Variants in USH2A observed in about 807,000 individuals in gnomAD.
USH2A encodes the protein Usher syndrome 2A (autosomal recessive, mild).
A neutral mutation model predicts 538.9 loss-of-function variants in USH2A; 443 were observed. That is an observed-to-expected ratio of 0.82 (90% CI 0.76 to 0.89). USH2A has a LOEUF of 0.89. Ranked by LOEUF, USH2A falls within the 40% of genes least tolerant of loss-of-function variation. The pLI, the probability that USH2A is intolerant of heterozygous loss-of-function variation, is 0.00. For synonymous variants in USH2A, 2,413 were observed against 2,273.5 expected, an observed-to-expected ratio of 1.06 and a Z score of -1.75; for missense variants, 6,633 against 6,324.8, an observed-to-expected ratio of 1.05 and a Z score of -1.65.
chr1:215,836,938 C>T (rs1195111885), intron 47 of USH2A, among the ~76,000 whole-genome samples: 2 of 151,772 alleles, frequency 1.3e-5, no homozygotes, highest in South Asian at 2.1e-4. Flanking sequence ...ACTATTTCCT[C>T]CCTGCATAGT....
At chr1:216,111,517 C>T (rs1369411375) in intron 21 of USH2A, among the ~76,000 whole-genome samples, 7 of 151,864 alleles carry the variant, frequency 4.6e-5, no homozygotes, top group Non-Finnish European at 7.4e-5. Flanking sequence ...TGTTCTTTGA[C>T]TCATATTCAA....
intron 70 of USH2A, among the ~76,000 whole-genome samples, chr1:215,630,480 GTGTA>G (rs1175988133): frequency 0.048 from 5,014 of 104,744 alleles, 73 homozygotes; most frequent in Middle Eastern, 0.072. Flanking sequence ...GTATGTGTGT[GTGTA>G]TATATATATA....
intron 44 of USH2A, among the ~76,000 whole-genome samples, chr1:215,861,415 A>G (rs1271838107): frequency 2.0e-5 from 3 of 152,238 alleles, no homozygotes; most frequent in Non-Finnish European, 4.4e-5. Flanking sequence ...AAAATATAAT[A>G]GTTTAAATAA....
At chr1:215,918,725 C>T (rs936400327) in intron 38 of USH2A, among the ~76,000 whole-genome samples, 4 of 151,914 alleles carry the variant, frequency 2.6e-5, no homozygotes, top group African/African-American at 9.7e-5. Flanking sequence ...CTGATTTCAC[C>T]TTATAAGTAG....
intron 52 of USH2A, among the ~76,000 whole-genome samples, chr1:215,785,623 G>A (rs952294576): frequency 7.2e-5 from 11 of 152,094 alleles, no homozygotes; most frequent in Non-Finnish European, 5.9e-5. Context: ...AAACCTGCAC[G>A]TTGTGCACAT....
intron 61 of USH2A, among the ~76,000 whole-genome samples, chr1:215,685,018 A>G (rs1658368428): frequency 6.6e-6 from 1 of 152,100 alleles, no homozygotes; most frequent in Non-Finnish European, 1.5e-5. Context: ...ATGATAAGGA[A>G]TGATTATACC....
chr1:215,913,571 G>C (rs1237209660), intron 38 of USH2A, among the ~76,000 whole-genome samples: 1 of 152,004 alleles, frequency 6.6e-6, no homozygotes, highest in Non-Finnish European at 1.5e-5. Flanking sequence ...GAAGGAGATG[G>C]GGAATCACTA....
At chr1:215,790,024 A>C in intron 51 of USH2A, 35 bp downstream of exon 51, 1 of 1,595,662 alleles carries the variant, frequency 6.3e-7, no homozygotes, top group Non-Finnish European at 8.6e-7. Context: ...TTCCATTGTC[A>C]AATCAGCGCC....
intron 21 of USH2A, among the ~76,000 whole-genome samples, chr1:216,162,719 G>T (rs2034083289): frequency 6.6e-6 from 1 of 152,012 alleles, no homozygotes; most frequent in Non-Finnish European, 1.5e-5. Context: ...GACTTTTGGA[G>T]AGTCGAGTGA....
intron 14 of USH2A, among the ~76,000 whole-genome samples, chr1:216,222,441 C>G (rs2035475394): frequency 1.3e-5 from 2 of 152,172 alleles, no homozygotes; most frequent in Admixed American, 1.3e-4. Context: ...CAACAATATC[C>G]AAGTTCTAAT....
At chr1:215,712,740 G>C (rs1659372607) in intron 61 of USH2A, among the ~76,000 whole-genome samples, 1 of 152,136 alleles carries the variant, frequency 6.6e-6, no homozygotes, top group South Asian at 2.1e-4. Flanking sequence ...AGGGGTATTA[G>C]GGAATGCAGG....
At chr1:215,815,328 C>T (rs144260246) in intron 48 of USH2A, among the ~76,000 whole-genome samples, 3 of 152,052 alleles carry the variant, frequency 2.0e-5, no homozygotes, top group African/African-American at 4.8e-5. Context: ...GATTTGCACA[C>T]GCCTGTTTTC....
chr1:216,186,036 G>A (rs1018712328), intron 20 of USH2A, among the ~76,000 whole-genome samples: 11 of 151,378 alleles, frequency 7.3e-5, no homozygotes, highest in Non-Finnish European at 3.0e-5. Context: ...TTTCTGCTGG[G>A]CAGGTGAAGA....
chr1:216,070,411 TATTA>T lies in USH2A; in HGVS notation c.5858-123_5858-120del. On this transcript the variant is annotated intron_variant, in intron 29 of 71. Transcript: ENST00000307340. ...CTCAACCATTAGCATAAATACAATT[TATTA>T]GAGTTGTAACTTTTCAGCATTGATT... 6.4e-6 allele frequency: 6 copies of T among 942,184 alleles called. No individual in the cohort carries two copies. The South Asian group carries it at 8.5e-5, about 13-fold the overall frequency. The allele number at this position is 942,184 out of a possible 1,614,324, so 58.4% of individuals were successfully genotyped here.
chr1:216,198,837 A>G (rs538599112), intron 17 of USH2A, among the ~76,000 whole-genome samples: 1 of 152,312 alleles, frequency 6.6e-6, no homozygotes, highest in East Asian at 1.9e-4. Flanking sequence ...CATGAGGAAA[A>G]CAAACCAAAA....
intron 52 of USH2A, among the ~76,000 whole-genome samples, 182 bp downstream of exon 52, chr1:215,786,488 C>T (rs184711083): frequency 3.3e-4 from 51 of 152,324 alleles, no homozygotes; most frequent in African/African-American, 1.0e-3. Flanking sequence ...TTTTAAAGTA[C>T]TGACTTTGAA....
chr1:215,876,302 T>G (rs11120685), intron 43 of USH2A, among the ~76,000 whole-genome samples: 54,359 of 152,022 alleles, frequency 0.36, 9,913 homozygotes, highest in Admixed American at 0.47. Context: ...TTCTGTTGCT[T>G]GATCAGATTT....
intron 38 of USH2A, among the ~76,000 whole-genome samples, chr1:215,903,142 A>G (rs965429790): frequency 6.6e-6 from 1 of 152,138 alleles, no homozygotes; most frequent in African/African-American, 2.4e-5. Context: ...AAGAAGGCAC[A>G]TGAAAAAGGA....
chr1:216,298,902 G>A (rs925484599), intron 9 of USH2A, among the ~76,000 whole-genome samples: 6 of 151,004 alleles, frequency 4.0e-5, no homozygotes, highest in African/African-American at 1.5e-4. Context: ...GTGCAGTGGC[G>A]CAATCTTGGC....
Sources: allele counts gnomAD v4.1 joint callset (sites outside exome capture counted in the v4.1 genomes callset), GRCh38; gene constraint gnomAD v4.1.1; transcripts MANE v1.5; gene names NCBI Gene and HGNC (gene_info 2026-07-23, HGNC 2026-07-21).